Variants in TYK2 observed in about 807,000 individuals in gnomAD.
TYK2 encodes tyrosine kinase 2, also known as non-receptor tyrosine-protein kinase TYK2.
A neutral mutation model predicts 130.9 loss-of-function variants in TYK2; 65 were observed. The ratio of observed to expected loss-of-function variants is 0.50; its 90% CI spans 0.41 to 0.61. The LOEUF (loss-of-function observed/expected upper bound fraction) is 0.61. Among genes scored for constraint, TYK2 ranks in the 20% least tolerant of loss-of-function variants. TYK2 has a pLI of 0.00. For synonymous variants in TYK2, 647 were observed against 658.9 expected, an observed-to-expected ratio of 0.98 and a Z score of 0.28; for missense variants, 1,378 against 1,610.7, an observed-to-expected ratio of 0.86 and a Z score of 2.47.
Position 10,353,539 on chromosome 19 carries a change from G to A in TYK2, c.3016C>T (p.Gln1006Ter). The change falls in exon 21 of 25, where the codon CAG becomes TAG. Residue 1006 changes from glutamine (Q) to a stop codon, truncating the protein, a stop_gained. Coordinates refer to ENST00000525621, the MANE Select transcript of TYK2 (RefSeq NM_003331.5). LOFTEE classifies it high-confidence loss of function. This position sits in a 1 kb window ranked among gnomAD's most constrained non-coding sequence, Gnocchi z 6.9. ...CGGGGCCGACCAACCTCGCAGATCT[G>A]CTGGGCGAAGAGCAGCAGCTGGGCC... The part of the protein sequence containing the change: ...GLAQLLLFAQ[Q>*]ICEGMAYLHA... 2 of 1,499,286 alleles carry A rather than the reference G, an allele frequency of 1.3e-6. No individual in the cohort carries two copies. The highest frequency in any genetic ancestry group is 1.8e-6 in the Non-Finnish European group (2 of 1,120,868). 92.9% of individuals were successfully genotyped at this position (1,499,286 alleles called of 1,614,324 possible).
chr19:10,364,600 C>T lies in TYK2; in HGVS notation c.1367+14G>A, dbSNP rs370879608. ...CTTGGCGGTGGCCCCCAGCGCCCCC[C>T]ACCCAGCACTCACAGCAGGGGTCCG... On this transcript the variant is annotated intron_variant, in intron 9 of 24. Transcript: ENST00000525621. This position sits in a 1 kb window ranked among gnomAD's most constrained non-coding sequence, Gnocchi z 4.9. 24 of 1,613,446 alleles carry T rather than the reference C, an allele frequency of 1.5e-5. No homozygotes were observed. Among genetic ancestry groups the T allele is most frequent in the Middle Eastern group, 1.6e-4 (1 of 6,074 alleles).
In TYK2 at chr19:10,365,062, A is replaced by G. The variant is rs1256010101; in HGVS notation, c.1012-14T>C. ...GCCACTAGAACCCTGAACACCCAGC[A>G]AGTGGGGCAGAGGATGGAGAGGGCA... On this transcript the variant is annotated splice_polypyrimidine_tract_variant and intron_variant, in intron 7 of 24. Coordinates refer to ENST00000525621, the MANE Select transcript of TYK2 (RefSeq NM_003331.5). 1 of 1,596,592 alleles carries G rather than the reference A, an allele frequency of 6.3e-7. No homozygotes were observed. Among genetic ancestry groups the G allele is most frequent in the Admixed American group, 1.7e-5 (1 of 59,024 alleles).
At position 10,361,232 on chromosome 19, in the gene TYK2, G is replaced by A. The variant is rs2041384342; in HGVS notation, c.2047+279C>T. On this transcript the variant is annotated intron_variant, in intron 14 of 24. Transcript: ENST00000525621. This position sits in a 1 kb window ranked among gnomAD's most constrained non-coding sequence, Gnocchi z 4.0. ...CTGGACTGTAGAGGTTGTTTGGGAG[G>A]TTGATGGAAGTGGGGATGTAGTTGG... 1.7e-6 allele frequency: 1 copy of A among 589,484 alleles called. No individual in the cohort carries two copies. Among genetic ancestry groups the A allele is most frequent in the South Asian group, 1.9e-5 (1 of 53,466 alleles). 36.5% of individuals were successfully genotyped at this position (589,484 alleles called of 1,614,324 possible).
chr19:10,375,692 A>G (rs1359837867), intron 3 of TYK2, among the ~76,000 whole-genome samples: 1 of 150,800 alleles, frequency 6.6e-6, no homozygotes, highest in East Asian at 2.0e-4. Context: ...CGAGGCGGGC[A>G]GATCACGAGG....
At position 10,352,697 on chromosome 19, in the gene TYK2, TGCTCATTGGCTAGGCC is replaced by T. The variant is rs12720324; in HGVS notation, c.3201-162_3201-147del. ...AGAGCGCAGCCTGAGCGGGGTGATA[TGCTCATTGGCTAGGCC>T]GCTCATTGGCTAGGCCGGGTTAACC... is the stretch of plus-strand genomic sequence containing the variant. On this transcript the variant is annotated intron_variant, in intron 22 of 24. Coordinates refer to ENST00000525621, the MANE Select transcript of TYK2 (RefSeq NM_003331.5). 3.2e-3 allele frequency: 2,302 copies of T among 723,714 alleles called. 27 individuals carry two copies. The African/African-American group carries it at 0.033, about 10-fold the overall frequency. 44.8% of individuals were successfully genotyped at this position (723,714 alleles called of 1,614,324 possible).
chr19:10,371,834 G>T, intron 3 of TYK2, among the ~76,000 whole-genome samples: 1 of 152,088 alleles, frequency 6.6e-6, no homozygotes, highest in Admixed American at 6.6e-5. Flanking sequence ...GTCTCTTATT[G>T]AGGGACTTTG....
At chr19:10,354,373 CCT>C in intron 19 of TYK2, 137 bp downstream of exon 19, 1 of 1,328,750 alleles carries the variant, frequency 7.5e-7, no homozygotes, top group Non-Finnish European at 1.1e-6. Context: ...TATTAAGACT[CCT>C]TGGCACCTAG....
intron 3 of TYK2, among the ~76,000 whole-genome samples, chr19:10,372,763 T>A (rs1289202984): frequency 6.6e-6 from 1 of 151,900 alleles, no homozygotes; most frequent in Non-Finnish European, 1.5e-5. Flanking sequence ...ACTGCTGGGA[T>A]TGCAGGCGTG....
chr19:10,360,257 G>A (rs1362376642), intron 14 of TYK2, among the ~76,000 whole-genome samples: 2 of 152,068 alleles, frequency 1.3e-5, no homozygotes, highest in Admixed American at 6.6e-5. Flanking sequence ...CACTTTGGGA[G>A]GCTGAGGCAG....
intron 17 of TYK2, chr19:10,357,371 T>TA (rs1246204778): frequency 1.6e-6 from 1 of 628,608 alleles, no homozygotes; most frequent in Non-Finnish European, 2.9e-6. Context: ...CCTGGGCAAT[T>TA]AGAGTGGAAC....
intron 7 of TYK2, 31 bp from the exon 8 acceptor site, chr19:10,365,079 G>A: frequency 6.3e-7 from 1 of 1,579,948 alleles, no homozygotes. Context: ...GCAGAGGATG[G>A]AGAGGGCAAT....
At position 10,367,921 on chromosome 19, in the gene TYK2, A is replaced by G. The variant is rs1306503283; in HGVS notation, c.465+134T>C. Reference sequence around the variant, plus strand: ...GGCGACAGAGCAAGACTCCGTCTCAAAAAAAAAAAAAAGATCCCCAGATAG... The same window carrying G: ...GGCGACAGAGCAAGACTCCGTCTCAGAAAAAAAAAAAAGATCCCCAGATAG... On this transcript the variant is annotated intron_variant, in intron 5 of 24. Coordinates refer to ENST00000525621, the MANE Select transcript of TYK2 (RefSeq NM_003331.5). The G allele has an allele frequency of 8.8e-6, 3 of 339,648 alleles. No individual in the cohort carries two copies. In the Admixed American group the frequency reaches 2.0e-4, roughly 23 times the overall value. 21.0% of individuals were successfully genotyped at this position (339,648 alleles called of 1,614,324 possible). A position where few individuals can be genotyped will look rare whatever the true frequency, so the allele number is the denominator to read the frequency against.
chr19:10,377,544 ATGGG>A (rs1568346445), intron 3 of TYK2, among the ~76,000 whole-genome samples: 5 of 65,038 alleles, frequency 7.7e-5, no homozygotes, highest in Admixed American at 2.0e-4. Context: ...GGATGGATGG[ATGGG>A]TGGGTGGGTG....
In TYK2 at chr19:10,365,641, C is replaced by T. The variant is rs755047988; in HGVS notation, c.887G>A (p.Ser296Asn). 4.3e-6 allele frequency: 7 copies of T among 1,613,794 alleles called. No individual in the cohort carries two copies. In the South Asian group the frequency reaches 6.6e-5, roughly 15 times the overall value. Residue 296 changes from serine (S) to asparagine (N), a missense_variant, in exon 7 of 25, where the codon AGT becomes AAT. Physicochemically the swap from Ser to Asn is conservative, Grantham distance 46. Transcript: ENST00000525621. ...GCCAGGGTCTGTAGGGGCCACCCCA[C>T]TGTCCCGGATGTAGCAGGGCTCCCC... ...AEGEPCYIRD[S>N]GVAPTDPGPE...
chr19:10,353,435 G>T lies in TYK2; in HGVS notation c.3027+93C>A. 1.1e-6 allele frequency: 1 copy of T among 883,232 alleles called. No homozygotes were observed. Among genetic ancestry groups the T allele is most frequent in the Non-Finnish European group, 1.7e-6 (1 of 604,084 alleles). The allele number at this position is 883,232 out of a possible 1,614,324, so 54.7% of individuals were successfully genotyped here. A position where few individuals can be genotyped will look rare whatever the true frequency, so the allele number is the denominator to read the frequency against. ...ACAGCCTGGGCAAACGAGCAGGGGC[G>T]GAGCGTGAGAGCAGACTGCACCGGA... On this transcript the variant is annotated intron_variant, in intron 21 of 24. Transcript: ENST00000525621. This position sits in a 1 kb window ranked among gnomAD's most constrained non-coding sequence, Gnocchi z 6.9.
Position 10,364,984 on chromosome 19 carries a change from T to C in TYK2, c.1076A>G (p.His359Arg), listed in dbSNP as rs757840772. 5.6e-6 allele frequency: 9 copies of C among 1,613,928 alleles called. No individual in the cohort carries two copies. The highest frequency in any genetic ancestry group is 6.8e-6 in the Non-Finnish European group (8 of 1,179,960). The change falls in exon 8 of 25, where the codon CAC becomes CGC. Residue 359 changes from histidine to arginine, a missense_variant. Transcript: ENST00000525621. The surrounding 1 kb of genome is among the most constrained non-coding windows in gnomAD (Gnocchi z 4.9). ...ASLFGKKAKA[H>R]KAVGQPADRP... ...GTCTGCCGGCTGGCCGACTGCCTTG[T>C]GAGCCTTGGCCTTCTTCCCAAACAG...
chr19:10,377,417 T>TGGAC (rs2042167200), intron 3 of TYK2, among the ~76,000 whole-genome samples: 1 of 141,782 alleles, frequency 7.1e-6, no homozygotes, highest in Admixed American at 7.1e-5. Context: ...GATGGATGGA[T>TGGAC]GGATGGATGG....
At position 10,350,661 on chromosome 19, in the gene TYK2, G is replaced by A. The variant is rs766203641; in HGVS notation, c.*173C>T. On this transcript the variant is annotated 3_prime_UTR_variant, in exon 25 of 25. Transcript: ENST00000525621. Reference sequence around the variant, plus strand: ...CCCTCAAGATCATGGTTAGGCTCACGGCCAAGAAAGAAAAATAAGTTCACA... The same window carrying A: ...CCCTCAAGATCATGGTTAGGCTCACAGCCAAGAAAGAAAAATAAGTTCACA... The A allele has an allele frequency of 6.0e-5, 44 of 737,446 alleles. No individual in the cohort carries two copies. The highest frequency in any genetic ancestry group is 3.8e-4 in the East Asian group (14 of 36,872). The allele number at this position is 737,446 out of a possible 1,614,324, so 45.7% of individuals were successfully genotyped here.
At position 10,364,161 on chromosome 19, in the gene TYK2, G is replaced by T. The variant is rs2041539201; in HGVS notation, c.1367+453C>A. 6.6e-6 allele frequency among the ~76,000 whole-genome samples: 1 copy of T among 152,178 alleles called. No homozygotes were observed. The highest frequency in any genetic ancestry group is 2.4e-5 in the African/African-American group (1 of 41,432). Reference sequence around the variant, plus strand: ...CGCCTGAATGGTCACCAGCGTCAGGGTAACACACAGTCCCATGAAAATCAC... The same window carrying T: ...CGCCTGAATGGTCACCAGCGTCAGGTTAACACACAGTCCCATGAAAATCAC... On this transcript the variant is annotated intron_variant, in intron 9 of 24. Transcript: ENST00000525621. This position sits in a 1 kb window ranked among gnomAD's most constrained non-coding sequence, Gnocchi z 4.9.
Sources: allele counts gnomAD v4.1 joint callset (sites outside exome capture counted in the v4.1 genomes callset), GRCh38; gene constraint gnomAD v4.1.1; non-coding constraint Gnocchi (gnomAD v3.1); transcripts MANE v1.5; gene names NCBI Gene and HGNC (gene_info 2026-07-23, HGNC 2026-07-21).